The following NXN variants were observed in gnomAD, a reference collection of about 807,000 sequenced individuals.
NXN encodes the protein nucleoredoxin 1.
NXN carries 16 observed loss-of-function variants against 48.6 expected under a neutral mutation model. The ratio of observed to expected loss-of-function variants is 0.33; its 90% CI spans 0.22 to 0.50. The LOEUF (loss-of-function observed/expected upper bound fraction) is 0.50, where lower values mean the gene tolerates loss of function less well. NXN is among the 20% of genes least tolerant of loss of function. The probability of loss-of-function intolerance (pLI) is 0.98; values close to 1 mark genes in which losing one functional copy is unlikely to be tolerated. For missense variants in NXN, 492 were observed against 605.5 expected, an observed-to-expected ratio of 0.81 and a Z score of 1.97; for synonymous variants, 281 against 269.6, an observed-to-expected ratio of 1.04 and a Z score of -0.41.
chr17:979,287 G>GGGCAGGGGTAACGGGCGTGGGGGGCA, intron 1 of NXN, 32 bp downstream of exon 1: 1 of 1,439,876 alleles, frequency 6.9e-7, no homozygotes, highest in Non-Finnish European at 9.2e-7. Context: ...CGTGGGGGGC[G>GGGCAGGGGTAACGGGCGTGGGGGGCA]GGCAGGGGCC....
chr17:843,045 AAAGAAAGAAAGAAGGAAGAAAGC>A (rs1567829123), intron 1 of NXN, among the ~76,000 whole-genome samples: 288 of 138,134 alleles, frequency 2.1e-3, no homozygotes, highest in African/African-American at 8.2e-3. Flanking sequence ...AGAAAGAAAG[AAAGAAAGAAAGAAGGAAGAAAGC>A]AAGCAAGCAA....
intron 1 of NXN, among the ~76,000 whole-genome samples, chr17:837,413 C>G (rs1479144403): frequency 6.6e-6 from 1 of 152,214 alleles, no homozygotes; most frequent in Non-Finnish European, 1.5e-5. Flanking sequence ...TCCTCAGAGC[C>G]TAGTATACCT....
At chr17:803,243 G>C (rs943596108) in intron 7 of NXN, among the ~76,000 whole-genome samples, 1 of 152,164 alleles carries the variant, frequency 6.6e-6, no homozygotes, top group Non-Finnish European at 1.5e-5. Context: ...CACTCACCGG[G>C]CCGGCTGGGT....
intron 1 of NXN, among the ~76,000 whole-genome samples, chr17:913,734 TCTTATC>T (rs1462696137): frequency 1.3e-5 from 2 of 152,144 alleles, no homozygotes; most frequent in Non-Finnish European, 2.9e-5. Context: ...ACCTGCTCTT[TCTTATC>T]CTTGTAGTAA....
At chr17:816,448 C>G (rs1912478312) in intron 5 of NXN, among the ~76,000 whole-genome samples, 1 of 152,050 alleles carries the variant, frequency 6.6e-6, no homozygotes. Context: ...CGGGCCTCTG[C>G]ACGTGCGGTT....
chr17:902,373 T>C (rs1352191118), intron 1 of NXN, among the ~76,000 whole-genome samples: 1 of 152,178 alleles, frequency 6.6e-6, no homozygotes, highest in Admixed American at 6.5e-5. Context: ...CACGAGAATG[T>C]CCTTCTGAAC....
chr17:921,744 G>A (rs374641385), intron 1 of NXN, among the ~76,000 whole-genome samples: 13,074 of 129,742 alleles, frequency 0.1, 691 homozygotes, highest in African/African-American at 0.18. Flanking sequence ...GACAACACCT[G>A]GCCGGCCCAG....
At chr17:911,247 T>A (rs924480019) in intron 1 of NXN, 1 of 151,908 alleles carries the variant, frequency 6.6e-6, no homozygotes, top group Non-Finnish European at 1.5e-5. Flanking sequence ...CTGCATTAAA[T>A]CTATAAATTA....
rs1287261904 is a variant in NXN at position 812,741 on chromosome 17, CGT to C, written c.820+6696_820+6697del. On this transcript the variant is annotated intron_variant, in intron 5 of 7. Coordinates refer to ENST00000336868, the MANE Select transcript of NXN (RefSeq NM_022463.5). ...GTGTAGGGTGTGTGAGTGTAGGGTG[CGT>C]GAGTGAGAGTGTGCATATGTGTGAG... is the stretch of plus-strand genomic sequence containing the variant. 1.1e-4 allele frequency among the ~76,000 whole-genome samples: 15 copies of C among 132,970 alleles called. 1 individual carries two copies. In the East Asian group the frequency reaches 1.8e-3, roughly 16 times the overall value. The allele number at this position is 132,970 out of a possible 152,430, so 87.2% of individuals were successfully genotyped here.
rs893242895 is a variant in NXN, at chr17:800,871, A to G, written c.*78T>C. 3.8e-6 allele frequency: 4 copies of G among 1,046,150 alleles called. No individual in the cohort carries two copies. The highest frequency in any genetic ancestry group is 6.7e-5 in the Admixed American group (2 of 29,712). The allele number at this position is 1,046,150 out of a possible 1,614,324, so 64.8% of individuals were successfully genotyped here. A position where few individuals can be genotyped will look rare whatever the true frequency, so the allele number is the denominator to read the frequency against. ...TGGTGGGATTCGGGGCACGCTGGGT[A>G]AGTCCAAGGGCGGAAGGAAGGAGGG... On this transcript the variant is annotated 3_prime_UTR_variant, in exon 8 of 8. Coordinates refer to ENST00000336868, the MANE Select transcript of NXN (RefSeq NM_022463.5).
chr17:801,440 A>G (rs1416652256), intron 7 of NXN, among the ~76,000 whole-genome samples: 2 of 84,428 alleles, frequency 2.4e-5, no homozygotes, highest in Non-Finnish European at 5.1e-5. Flanking sequence ...GAAATGTCAC[A>G]TTCTTTTTTT....
intron 1 of NXN, among the ~76,000 whole-genome samples, chr17:955,162 CTTTTT>C (rs749641262): frequency 1.6e-5 from 2 of 125,176 alleles, no homozygotes; most frequent in Non-Finnish European, 3.3e-5. Context: ...TCATCTCTTT[CTTTTT>C]TTTTTTTTTT....
At chr17:946,737 G>A (rs1004288247) in intron 1 of NXN, among the ~76,000 whole-genome samples, 1 of 152,232 alleles carries the variant, frequency 6.6e-6, no homozygotes, top group East Asian at 1.9e-4. Flanking sequence ...TACCGCTGAC[G>A]GGCTCGGCCA....
chr17:931,559 G>A (rs996907075), intron 1 of NXN, among the ~76,000 whole-genome samples: 14 of 152,052 alleles, frequency 9.2e-5, no homozygotes, highest in Admixed American at 5.9e-4. Flanking sequence ...ATTTTTGGCC[G>A]GGCGCAGTGG....
chr17:934,654 A>T (rs1036436342), intron 1 of NXN, among the ~76,000 whole-genome samples: 2 of 151,662 alleles, frequency 1.3e-5, no homozygotes, highest in Non-Finnish European at 2.9e-5. Context: ...TGGGTGGATC[A>T]CCTGAGGTCA....
chr17:871,623 T>A (rs2068155955), intron 1 of NXN, among the ~76,000 whole-genome samples: 1 of 152,016 alleles, frequency 6.6e-6, no homozygotes, highest in Admixed American at 6.6e-5. Context: ...CAGGCTGGTC[T>A]CGAACTCCTG....
intron 1 of NXN, among the ~76,000 whole-genome samples, chr17:880,967 C>T (rs1172906677): frequency 1.3e-5 from 2 of 152,158 alleles, no homozygotes; most frequent in African/African-American, 2.4e-5. Flanking sequence ...TCTCTGCAAA[C>T]GTCTCCTTCC....
In NXN at chr17:823,652, C is replaced by T. The variant is rs754274169; in HGVS notation, c.592G>A (p.Val198Ile). The change falls in exon 3 of 8, where the codon GTC (valine) becomes ATC (isoleucine). Residue 198 changes from valine (V) to isoleucine (I), a missense_variant. Physicochemically the swap from Val to Ile is conservative, Grantham distance 29 (BLOSUM62 3). Coordinates refer to ENST00000336868, the MANE Select transcript of NXN (RefSeq NM_022463.5). ...SSSLEGSHVGVYFSAHWCPPC... is the reference protein window; with the variant it reads ...SSSLEGSHVGIYFSAHWCPPC... Reference sequence around the variant, plus strand: ...CTCACCCAATGTGCGGAGAAATAGACGCCCACGTGAGACCCCTCCAGGCTG... The same window carrying T: ...CTCACCCAATGTGCGGAGAAATAGATGCCCACGTGAGACCCCTCCAGGCTG... 2.1e-5 allele frequency: 34 copies of T among 1,614,042 alleles called. No individual in the cohort carries two copies. The highest frequency in any genetic ancestry group is 2.7e-5 in the African/African-American group (2 of 75,022).
At chr17:972,693 T>C (rs1259286954) in intron 1 of NXN, among the ~76,000 whole-genome samples, 1 of 152,100 alleles carries the variant, frequency 6.6e-6, no homozygotes, top group African/African-American at 2.4e-5. Context: ...CAAATGTGTG[T>C]GCACATTACA....
Sources: allele counts gnomAD v4.1 joint callset (sites outside exome capture counted in the v4.1 genomes callset), GRCh38; gene constraint gnomAD v4.1.1; transcripts MANE v1.5; gene names NCBI Gene and HGNC (gene_info 2026-07-23, HGNC 2026-07-21).